The following MAP2 variants were observed in gnomAD, a reference collection of about 807,000 sequenced individuals.
MAP2 encodes the protein microtubule associated protein 2.
In MAP2, 14 loss-of-function variants were observed where a neutral mutation model predicts 137.6. The observed-to-expected ratio is 0.10, with a 90% CI of 0.07 to 0.16. The LOEUF is 0.16. Among genes scored for constraint, MAP2 ranks in the 10% least tolerant of loss-of-function variants. The pLI is 1.00. For missense variants in MAP2, 2,088 were observed against 2,191.5 expected, an observed-to-expected ratio of 0.95 and a Z score of 0.94; for synonymous variants, 786 against 782.3, an observed-to-expected ratio of 1.00 and a Z score of -0.08.
intron 1 of MAP2, among the ~76,000 whole-genome samples, chr2:209,488,063 G>A (rs1333015790): frequency 6.6e-6 from 1 of 152,194 alleles, no homozygotes; most frequent in Admixed American, 6.5e-5. Context: ...GAAGGTGTGT[G>A]ATTTCTGCAA....
At chr2:209,538,749 G>A (rs1234118835) in intron 2 of MAP2, among the ~76,000 whole-genome samples, 1 of 151,990 alleles carries the variant, frequency 6.6e-6, no homozygotes, top group Non-Finnish European at 1.5e-5. Context: ...AAAAAAACAA[G>A]CATTTCTTTC....
chr2:209,623,700 C>T (rs2153527849), intron 3 of MAP2, among the ~76,000 whole-genome samples: 1 of 152,114 alleles, frequency 6.6e-6, no homozygotes, highest in Non-Finnish European at 1.5e-5. Context: ...GTGCATAGAA[C>T]TCTGTATTAT....
At chr2:209,644,404 G>A (rs2663649) in intron 4 of MAP2, among the ~76,000 whole-genome samples, 31,580 of 151,904 alleles carry the variant, frequency 0.21, 5,065 homozygotes, top group African/African-American at 0.43. Flanking sequence ...ATGAAATGGA[G>A]TTAGAACTTG....
intron 12 of MAP2, 26 bp downstream of exon 12, chr2:209,705,753 T>C: frequency 6.2e-7 from 1 of 1,600,050 alleles, no homozygotes; most frequent in South Asian, 1.1e-5. Context: ...TTTGAATTCC[T>C]TTTTAAGCAC....
At chr2:209,716,089 A>G (rs1391800317) in intron 13 of MAP2, among the ~76,000 whole-genome samples, 1 of 152,182 alleles carries the variant, frequency 6.6e-6, no homozygotes, top group African/African-American at 2.4e-5. Context: ...TGGTTTCCCT[A>G]CATCTGTTGT....
chr2:209,656,207 T>C (rs2095135138), intron 5 of MAP2, among the ~76,000 whole-genome samples: 1 of 152,130 alleles, frequency 6.6e-6, no homozygotes, highest in African/African-American at 2.4e-5. Flanking sequence ...GAGTGGAGAA[T>C]ATTAGAAGGC....
intron 2 of MAP2, among the ~76,000 whole-genome samples, chr2:209,520,196 G>A (rs909398513): frequency 6.6e-6 from 1 of 151,998 alleles, no homozygotes; most frequent in East Asian, 1.9e-4. Flanking sequence ...CACTTAGGTT[G>A]CACCCAGAGT....
At chr2:209,539,679 A>G (rs1318987206) in intron 2 of MAP2, among the ~76,000 whole-genome samples, 2 of 151,974 alleles carry the variant, frequency 1.3e-5, no homozygotes, top group African/African-American at 2.4e-5. Context: ...TACACTTACT[A>G]GTAAATATGA....
chr2:209,696,530 T>C lies in MAP2; in HGVS notation c.4181-12T>C, dbSNP rs1282284827. ...TGTTGTTGTTGTTGTCATGATTTGC[T>C]TTGATCCACAGATGATGATAGGAGC... On this transcript the variant is annotated splice_polypyrimidine_tract_variant and intron_variant, in intron 8 of 15. Transcript: ENST00000682079. 6.3e-7 allele frequency: 1 copy of C among 1,598,594 alleles called. No individual in the cohort carries two copies. The highest frequency in any genetic ancestry group is 1.1e-5 in the South Asian group (1 of 87,508).
At chr2:209,448,640 G>T (rs1280075735) in intron 1 of MAP2, among the ~76,000 whole-genome samples, 1 of 152,024 alleles carries the variant, frequency 6.6e-6, no homozygotes, top group Non-Finnish European at 1.5e-5. Context: ...ATTTCTATTA[G>T]CTGTTGATGC....
In MAP2 at chr2:209,542,533, G is replaced by C. The variant is rs141546045; in HGVS notation, c.-172+34892G>C. Among the ~76,000 whole-genome samples, 779 of 152,314 alleles carry C rather than the reference G, an allele frequency of 5.1e-3. 10 individuals are homozygous for C. The highest frequency in any genetic ancestry group is 0.018 in the African/African-American group (730 of 41,570). ...CTCTAGCTATGAAAGTCCTAGATAG[G>C]ATCTTCTTCCAATAAAAAGGTTGTT... On this transcript the variant is annotated intron_variant, in intron 2 of 15. Coordinates refer to ENST00000682079, the MANE Select transcript of MAP2 (RefSeq NM_001375505.1).
rs111489910 is a variant in MAP2 at position 209,458,745 on chromosome 2, A to G, written c.-222+34469A>G. On this transcript the variant is annotated intron_variant, in intron 1 of 15. Transcript: ENST00000682079. Reference sequence around the variant, plus strand: ...TCACACAGGCTGCCTCCTGCCCATCAGAAGTCCCATAGAGGTGTTTGAGGC... The same window carrying G: ...TCACACAGGCTGCCTCCTGCCCATCGGAAGTCCCATAGAGGTGTTTGAGGC... Among the ~76,000 whole-genome samples, 1,168 of 152,288 alleles carry G rather than the reference A, an allele frequency of 7.7e-3. 12 individuals carry two copies. Among genetic ancestry groups the G allele is most frequent in the African/African-American group, 0.027 (1,108 of 41,568 alleles).
intron 5 of MAP2, chr2:209,661,546 T>C (rs979431209): frequency 1.0e-6 from 1 of 985,378 alleles, no homozygotes; most frequent in African/African-American, 1.7e-5. Flanking sequence ...CTGCGAAGCA[T>C]CTGGGCCTGG....
At chr2:209,639,501 G>A (rs2093839315) in intron 4 of MAP2, among the ~76,000 whole-genome samples, 2 of 152,102 alleles carry the variant, frequency 1.3e-5, no homozygotes, top group Admixed American at 1.3e-4. Context: ...CTGTCTCTGA[G>A]AAATGTTTCT....
chr2:209,643,000 G>A (rs1204515225), intron 4 of MAP2, among the ~76,000 whole-genome samples: 2 of 151,844 alleles, frequency 1.3e-5, no homozygotes, highest in East Asian at 3.9e-4. Context: ...ATATTTATGT[G>A]CTTAATTGTA....
intron 1 of MAP2, among the ~76,000 whole-genome samples, chr2:209,474,140 G>A (rs1008407320): frequency 2.0e-5 from 3 of 152,136 alleles, no homozygotes; most frequent in African/African-American, 7.2e-5. Context: ...GTTTACCAAG[G>A]GGAGCTTGAG....
In MAP2 at chr2:209,689,332, A is replaced by G. The variant is rs1482623503; in HGVS notation, c.455-3293A>G. Among the ~76,000 whole-genome samples, 5 of 152,094 alleles carry G rather than the reference A, an allele frequency of 3.3e-5. No individual in the cohort carries two copies. In the East Asian group the frequency reaches 9.6e-4, roughly 29 times the overall value. On this transcript the variant is annotated intron_variant, in intron 7 of 15. Transcript: ENST00000682079. ...TTTCTCTCTCTGTTTCTCTCTGAGG[A>G]TATTAATATTTCTAAAAAACAAAAT... is the stretch of plus-strand genomic sequence containing the variant.
intron 2 of MAP2, among the ~76,000 whole-genome samples, chr2:209,569,329 C>T (rs2074012100): frequency 6.6e-6 from 1 of 151,680 alleles, no homozygotes; most frequent in Non-Finnish European, 1.5e-5. Flanking sequence ...TTTCAGTGTT[C>T]ATGCATGCAT....
chr2:209,501,889 A>G (rs2060424769), intron 1 of MAP2, among the ~76,000 whole-genome samples: 1 of 152,172 alleles, frequency 6.6e-6, no homozygotes, highest in Non-Finnish European at 1.5e-5. Flanking sequence ...CAAGCAAACA[A>G]ACAGAAGCCA....
Sources: gnomAD v4.1 joint callset for allele counts (sites outside exome capture counted in the v4.1 genomes callset) on GRCh38, gnomAD v4.1.1 for gene constraint, MANE v1.5 for transcripts, NCBI Gene and HGNC (gene_info 2026-07-23, HGNC 2026-07-21) for gene names.